LRP1B: variants seen among roughly 807,000 people sequenced by gnomAD.
The protein encoded by LRP1B is LDL receptor related protein 1B, also known as low-density lipoprotein receptor-related protein 1B.
LRP1B carries 217 observed loss-of-function variants against 556.6 expected under a neutral mutation model. The observed-to-expected ratio is 0.39, with a 90% CI of 0.35 to 0.44. LRP1B has a LOEUF of 0.44. Among genes scored for constraint, LRP1B ranks in the 20% least tolerant of loss-of-function variants. LRP1B has a pLI of 1.00. For synonymous variants in LRP1B, 2,047 were observed against 1,865.8 expected (o/e 1.10, Z -2.50); for missense variants, 5,053 against 5,620.8 (o/e 0.90, Z 3.23).
chr2:141,155,833 T>C (rs1401039161), intron 7 of LRP1B, among the ~76,000 whole-genome samples: 1 of 152,162 alleles, frequency 6.6e-6, no homozygotes, highest in Non-Finnish European at 1.5e-5. Context: ...ACAAATAATT[T>C]AACAATATTA....
At chr2:140,738,337 GC>G in intron 35 of LRP1B, among the ~76,000 whole-genome samples, 1 of 152,172 alleles carries the variant, frequency 6.6e-6, no homozygotes, top group East Asian at 1.9e-4. Flanking sequence ...CGGTGGGTGG[GC>G]AGGGAAGAGG....
At chr2:140,489,483 C>A (rs1230728290) in intron 57 of LRP1B, among the ~76,000 whole-genome samples, 2 of 152,052 alleles carry the variant, frequency 1.3e-5, no homozygotes, top group African/African-American at 2.4e-5. Flanking sequence ...CATTAAATAT[C>A]CATTTACATC....
intron 11 of LRP1B, among the ~76,000 whole-genome samples, chr2:141,044,577 A>C (rs1375103630): frequency 6.6e-6 from 1 of 151,368 alleles, no homozygotes; most frequent in African/African-American, 2.4e-5. Flanking sequence ...TTTACAAGAA[A>C]AAAACAAACA....
intron 55 of LRP1B, among the ~76,000 whole-genome samples, chr2:140,500,667 G>A (rs1003239058): frequency 1.3e-5 from 2 of 151,902 alleles, no homozygotes; most frequent in Admixed American, 6.6e-5. Flanking sequence ...TATACAGTAT[G>A]TGAATACAGC....
At chr2:141,660,049 C>T (rs1296301708) in intron 2 of LRP1B, among the ~76,000 whole-genome samples, 2 of 151,910 alleles carry the variant, frequency 1.3e-5, no homozygotes, top group African/African-American at 4.8e-5. Context: ...AAAGGGCCAA[C>T]GAGAGACAGC....
chr2:141,113,901 C>T (rs970641691), intron 7 of LRP1B, among the ~76,000 whole-genome samples: 8 of 152,174 alleles, frequency 5.3e-5, no homozygotes, highest in Non-Finnish European at 1.0e-4. Flanking sequence ...TGAAACTAGT[C>T]TAAGTTCAGC....
At chr2:140,425,739 G>T (rs1685626221) in intron 66 of LRP1B, among the ~76,000 whole-genome samples, 1 of 152,112 alleles carries the variant, frequency 6.6e-6, no homozygotes. Flanking sequence ...GTGACTATGA[G>T]AGAACTCACA....
At chr2:141,435,022 TC>T (rs1680707438) in intron 3 of LRP1B, among the ~76,000 whole-genome samples, 1 of 152,164 alleles carries the variant, frequency 6.6e-6, no homozygotes, top group South Asian at 2.1e-4. Flanking sequence ...GGGAGTGTTT[TC>T]CCCCTCATAT....
chr2:140,682,675 CGT>C (rs112723393), intron 41 of LRP1B, among the ~76,000 whole-genome samples: 3,905 of 149,526 alleles, frequency 0.026, 143 homozygotes, highest in East Asian at 0.17. Context: ...GAGAGTATTG[CGT>C]GTGTGTGTGT....
At chr2:141,338,353 A>T (rs1573825863) in intron 3 of LRP1B, among the ~76,000 whole-genome samples, 2 of 152,122 alleles carry the variant, frequency 1.3e-5, no homozygotes, top group East Asian at 3.9e-4. Flanking sequence ...GAGACTCAGG[A>T]GTACCCTTTC....
intron 2 of LRP1B, among the ~76,000 whole-genome samples, chr2:141,724,630 C>T (rs1692960759): frequency 6.6e-6 from 1 of 151,766 alleles, no homozygotes; most frequent in Admixed American, 6.6e-5. Flanking sequence ...AAGGCTGATG[C>T]TCTTTGCTCT....
At chr2:140,522,182 G>A (rs146872727) in intron 49 of LRP1B, among the ~76,000 whole-genome samples, 1 of 152,014 alleles carries the variant, frequency 6.6e-6, no homozygotes, top group Admixed American at 6.6e-5. Context: ...CACAGGTGTG[G>A]TCATAAAACA....
In LRP1B at chr2:141,679,912, T is replaced by G. The variant is rs1691043380; in HGVS notation, c.205+130367A>C. 5.3e-5 allele frequency among the ~76,000 whole-genome samples: 8 copies of G among 151,386 alleles called. 1 individual carries two copies. The highest frequency in any genetic ancestry group is 5.3e-4 in the Admixed American group (8 of 15,170). On this transcript the variant is annotated intron_variant, in intron 2 of 90. Transcript: ENST00000389484. ...TATTATTTATGAATAGATACAAATA[T>G]TATAAACTATAAATATTAGGGTGGA... is the stretch of plus-strand genomic sequence containing the variant.
intron 3 of LRP1B, among the ~76,000 whole-genome samples, chr2:141,348,032 T>C (rs1688314861): frequency 6.6e-6 from 1 of 152,094 alleles, no homozygotes. Flanking sequence ...TGTAGTCTTT[T>C]ATACCACAAC....
chr2:141,703,250 A>G (rs983230833), intron 2 of LRP1B, among the ~76,000 whole-genome samples: 2 of 151,870 alleles, frequency 1.3e-5, no homozygotes, highest in African/African-American at 4.8e-5. Flanking sequence ...GTTATAAGGA[A>G]CCTCTTGGCT....
intron 2 of LRP1B, among the ~76,000 whole-genome samples, chr2:141,692,736 T>C (rs1221825472): frequency 1.3e-5 from 2 of 151,990 alleles, no homozygotes; most frequent in African/African-American, 2.4e-5. Context: ...TGCAGCCTAC[T>C]ACACACCTAG....
chr2:140,765,087 C>T (rs2104924229), intron 35 of LRP1B, among the ~76,000 whole-genome samples: 1 of 152,194 alleles, frequency 6.6e-6, no homozygotes, highest in South Asian at 2.1e-4. Context: ...CCTCTGCCTT[C>T]CAAAGTGCTA....
chr2:142,059,599 T>C (rs993935), intron 1 of LRP1B, among the ~76,000 whole-genome samples: 91,347 of 151,832 alleles, frequency 0.6, 28,807 homozygotes, highest in East Asian at 0.69. Flanking sequence ...TTTGATTTAA[T>C]AGTCATCTTC....
At position 140,525,311 on chromosome 2, in the gene LRP1B, A is replaced by ATGTAT. The variant is rs546567412; in HGVS notation, c.8026+532_8026+533insATACA. On this transcript the variant is annotated intron_variant, in intron 49 of 90. Coordinates refer to ENST00000389484, the MANE Select transcript of LRP1B (RefSeq NM_018557.3). ...TTTGCTGGAAGGCATTCTTCTAAGA[A>ATGTAT]TGTAGATGACAGTTTTCAGGGCTTA... is the stretch of plus-strand genomic sequence containing the variant. Among the ~76,000 whole-genome samples, 275 of 152,018 alleles carry ATGTAT rather than the reference A, an allele frequency of 1.8e-3. 3 individuals carry two copies. The highest frequency in any genetic ancestry group is 3.9e-3 in the Admixed American group (60 of 15,218).
Sources: allele counts gnomAD v4.1 joint callset (sites outside exome capture counted in the v4.1 genomes callset), GRCh38; gene constraint gnomAD v4.1.1; transcripts MANE v1.5; gene names NCBI Gene and HGNC (gene_info 2026-07-23, HGNC 2026-07-21).